Variants in PARD3B observed in about 807,000 individuals in gnomAD.
The protein encoded by PARD3B is par-3 family cell polarity regulator beta.
A neutral mutation model predicts 130.2 loss-of-function variants in PARD3B; 103 were observed. The observed-to-expected ratio is 0.79, with a 90% CI of 0.67 to 0.93. The LOEUF (loss-of-function observed/expected upper bound fraction) is 0.93, where lower values mean the gene tolerates loss of function less well. PARD3B is among the 40% of genes least tolerant of loss of function. The pLI is 0.00. For missense variants in PARD3B, 1,609 were observed against 1,499.2 expected (o/e 1.07, Z -1.21); for synonymous variants, 583 against 553.2 (o/e 1.05, Z -0.76).
At chr2:205,127,799 T>A (rs954182937) in intron 10 of PARD3B, among the ~76,000 whole-genome samples, 1 of 152,216 alleles carries the variant, frequency 6.6e-6, no homozygotes, top group Non-Finnish European at 1.5e-5. Context: ...GACTCCTCCA[T>A]ACCCAACCAT....
rs149442943 is a variant in PARD3B, at chr2:205,607,239, G to GA, written c.3261-8204dup. 3.8e-3 allele frequency among the ~76,000 whole-genome samples: 539 copies of GA among 143,530 alleles called. 2 individuals are homozygous for GA. Among genetic ancestry groups the GA allele is most frequent in the South Asian group, 0.023 (105 of 4,516 alleles). The allele number at this position is 143,530 out of a possible 152,430, so 94.2% of individuals were successfully genotyped here. The stretch of plus-strand genomic sequence containing the variant: ...CCGCTAACAGCCAAAGTACCCATTG[G>GA]AAAAAAAAAAAAAGAAGTCTCTTTT... On this transcript the variant is annotated intron_variant, in intron 22 of 22. Coordinates refer to ENST00000406610, the MANE Select transcript of PARD3B (RefSeq NM_001302769.2).
At chr2:205,206,174 T>C (rs536759231) in intron 15 of PARD3B, among the ~76,000 whole-genome samples, 6 of 151,986 alleles carry the variant, frequency 3.9e-5, no homozygotes, top group African/African-American at 1.2e-4. Context: ...TCCTAAACCA[T>C]TGTTCATATT....
chr2:204,717,235 A>T (rs2038774780), intron 2 of PARD3B, among the ~76,000 whole-genome samples: 1 of 152,234 alleles, frequency 6.6e-6, no homozygotes. Flanking sequence ...GAGAAACCTG[A>T]GACTTGGGTA....
At chr2:205,557,794 C>G (rs1216238538) in intron 22 of PARD3B, among the ~76,000 whole-genome samples, 2 of 152,114 alleles carry the variant, frequency 1.3e-5, no homozygotes, top group African/African-American at 4.8e-5. Context: ...TGTAATGAGG[C>G]AAACCCACAC....
chr2:205,611,012 C>G (rs993131377), intron 22 of PARD3B, among the ~76,000 whole-genome samples: 1 of 152,116 alleles, frequency 6.6e-6, no homozygotes, highest in African/African-American at 2.4e-5. Context: ...GTGTTAAGCT[C>G]GAAGGGAGAT....
intron 2 of PARD3B, among the ~76,000 whole-genome samples, chr2:204,946,938 G>C (rs969857689): frequency 1.3e-5 from 2 of 152,214 alleles, no homozygotes; most frequent in African/African-American, 4.8e-5. Flanking sequence ...AGCTCATGCA[G>C]TCAGGCAGCA....
intron 2 of PARD3B, among the ~76,000 whole-genome samples, chr2:204,711,762 G>T (rs571219961): frequency 1.3e-5 from 2 of 152,112 alleles, no homozygotes; most frequent in South Asian, 4.2e-4. Context: ...TGACCAGGCT[G>T]GTCTCGAACT....
chr2:205,362,500 C>G (rs1383709280), intron 18 of PARD3B, among the ~76,000 whole-genome samples: 1 of 152,166 alleles, frequency 6.6e-6, no homozygotes, highest in African/African-American at 2.4e-5. Context: ...TGGAGAGCAT[C>G]TTGAGAGGCA....
chr2:204,816,782 G>C (rs1012791205), intron 2 of PARD3B, among the ~76,000 whole-genome samples: 2 of 151,564 alleles, frequency 1.3e-5, no homozygotes, highest in African/African-American at 4.8e-5. Flanking sequence ...TGATTTTATA[G>C]TTTTAATAAA....
chr2:204,896,283 A>C (rs2046636896), intron 2 of PARD3B, among the ~76,000 whole-genome samples: 1 of 152,224 alleles, frequency 6.6e-6, no homozygotes, highest in Admixed American at 6.5e-5. Context: ...TTGAATCAAT[A>C]ATGAAAGTAA....
Position 205,193,198 on chromosome 2 carries a change from T to A in PARD3B, c.2025-7T>A. ...ACCTAAATACAACATATGGCTTCCT[T>A]CCACAGCTCTGGGGTGGATTCAGCA... On this transcript the variant is annotated splice_region_variant and splice_polypyrimidine_tract_variant and intron_variant, in intron 14 of 22. Coordinates refer to ENST00000406610, the MANE Select transcript of PARD3B (RefSeq NM_001302769.2). 6.3e-7 allele frequency: 1 copy of A among 1,581,932 alleles called. No individual in the cohort carries two copies. Among genetic ancestry groups the A allele is most frequent in the Non-Finnish European group, 8.7e-7 (1 of 1,151,152 alleles).
rs2048468684 is a variant in PARD3B, at chr2:205,462,000, A to G, written c.3044+21328A>G. On this transcript the variant is annotated intron_variant, in intron 20 of 22. Transcript: ENST00000406610. This position sits in a 1 kb window ranked among gnomAD's most constrained non-coding sequence, Gnocchi z 4.3. ...TAATGGAATGGACTTCTTTGTAAGC[A>G]TGACTTACCTTATACATCTGTGTTC... is the stretch of plus-strand genomic sequence containing the variant. Among the ~76,000 whole-genome samples, 1 of 152,240 alleles carries G rather than the reference A, an allele frequency of 6.6e-6. No individual in the cohort carries two copies. The highest frequency in any genetic ancestry group is 6.5e-5 in the Admixed American group (1 of 15,288).
intron 3 of PARD3B, among the ~76,000 whole-genome samples, chr2:205,034,621 G>A (rs2125371194): frequency 6.6e-6 from 1 of 152,184 alleles, no homozygotes; most frequent in Middle Eastern, 3.4e-3. Context: ...TCCACATTTT[G>A]CAATGCTCTA....
intron 16 of PARD3B, among the ~76,000 whole-genome samples, chr2:205,254,789 C>G (rs555570125): frequency 2.6e-5 from 4 of 151,126 alleles, no homozygotes; most frequent in Non-Finnish European, 5.9e-5. Flanking sequence ...CTCAGCCTCC[C>G]GAGTAGCTGG....
intron 2 of PARD3B, among the ~76,000 whole-genome samples, chr2:204,870,373 C>T (rs1032800009): frequency 6.6e-6 from 1 of 152,032 alleles, no homozygotes; most frequent in Admixed American, 6.6e-5. Flanking sequence ...GCTAAGAGTC[C>T]CTATCAAATG....
rs1462095826 is a variant in PARD3B, at chr2:205,011,362, A to T, written c.395-36219A>T. Among the ~76,000 whole-genome samples, 1 of 152,084 alleles carries T rather than the reference A, an allele frequency of 6.6e-6. No individual in the cohort carries two copies. Among genetic ancestry groups the T allele is most frequent in the Non-Finnish European group, 1.5e-5 (1 of 68,008 alleles). On this transcript the variant is annotated intron_variant, in intron 3 of 22. Coordinates refer to ENST00000406610, the MANE Select transcript of PARD3B (RefSeq NM_001302769.2). The surrounding 1 kb of genome is among the most constrained non-coding windows in gnomAD (Gnocchi z 4.1). ...CACATGTGTGGGTGCTGGCAGTCCT[A>T]ATTTCCTCAGGTTGTCAGTATGTCC...
At chr2:205,009,155 A>G (rs1695507822) in intron 3 of PARD3B, among the ~76,000 whole-genome samples, 1 of 152,208 alleles carries the variant, frequency 6.6e-6, no homozygotes, top group South Asian at 2.1e-4. Flanking sequence ...TTTTAAGGAA[A>G]TTGAGACATT....
intron 19 of PARD3B, among the ~76,000 whole-genome samples, chr2:205,431,908 C>T (rs567904019): frequency 6.6e-6 from 1 of 152,220 alleles, no homozygotes; most frequent in South Asian, 2.1e-4. Context: ...AGCTGTCAGG[C>T]AAAGTGTGTA....
chr2:205,474,950 A>C (rs1048262533), intron 20 of PARD3B, among the ~76,000 whole-genome samples: 1 of 152,176 alleles, frequency 6.6e-6, no homozygotes. Context: ...AGAAGTTTTC[A>C]GCTCGCCTCA....
Sources: gnomAD v4.1 joint callset for allele counts (sites outside exome capture counted in the v4.1 genomes callset) on GRCh38, gnomAD v4.1.1 for gene constraint, Gnocchi (gnomAD v3.1) non-coding constraint, MANE v1.5 for transcripts, NCBI Gene and HGNC (gene_info 2026-07-23, HGNC 2026-07-21) for gene names.